The following MYBPC1 variants were observed in gnomAD, a reference collection of about 807,000 sequenced individuals.
MYBPC1 encodes the protein myosin-binding protein C, slow-type.
Under a neutral mutation model 147.1 loss-of-function variants are expected in MYBPC1, and 52 were observed. The ratio of observed to expected loss-of-function variants is 0.35; its 90% CI spans 0.28 to 0.45. MYBPC1 has a LOEUF of 0.45. MYBPC1 is among the 20% of genes least tolerant of loss of function. MYBPC1 has a pLI of 1.00. For synonymous variants in MYBPC1, 477 were observed against 475.9 expected, an observed-to-expected ratio of 1.00 and a Z score of -0.03; for missense variants, 1,228 against 1,440.3, an observed-to-expected ratio of 0.85 and a Z score of 2.39.
At chr12:101,673,649 G>A in intron 25 of MYBPC1, 27 bp downstream of exon 25, 1 of 1,613,116 alleles carries the variant, frequency 6.2e-7, no homozygotes, top group Non-Finnish European at 8.5e-7. Context: ...GAGCCAGAAA[G>A]TTCTGTCAAA....
intron 10 of MYBPC1, among the ~76,000 whole-genome samples, chr12:101,638,369 A>C (rs948984334): frequency 6.6e-6 from 1 of 152,218 alleles, no homozygotes; most frequent in African/African-American, 2.4e-5. Context: ...CATGGACTGG[A>C]GTCTCAGCTC....
At chr12:101,635,329 C>T (rs187792588) in intron 9 of MYBPC1, among the ~76,000 whole-genome samples, 9 of 151,966 alleles carry the variant, frequency 5.9e-5, no homozygotes, top group East Asian at 1.9e-4. Context: ...TTTGTTCTTC[C>T]GAAGACTGAA....
At chr12:101,651,966 A>G (rs11110921) in intron 16 of MYBPC1, among the ~76,000 whole-genome samples, 33,641 of 152,128 alleles carry the variant, frequency 0.22, 3,995 homozygotes, top group Middle Eastern at 0.34. Flanking sequence ...AAGTTAGAGG[A>G]AAAATACTGA....
rs1876602488 is a variant in MYBPC1 at position 101,594,975 on chromosome 12, CACCG to C, written c.-92_-89del. On this transcript the variant is annotated 5_prime_UTR_variant, in exon 1 of 32. Transcript: ENST00000361466. ...TGGGTTTCTCCCCAACTGCTTGTCA[CACCG>C]ACCTGCACCATCTCTCGCCTGCCTG... The C allele has an allele frequency of 2.1e-5, 26 of 1,214,096 alleles. No individual in the cohort carries two copies. In the South Asian group the frequency reaches 3.0e-4, roughly 14 times the overall value. 75.2% of individuals were successfully genotyped at this position (1,214,096 alleles called of 1,614,324 possible).
rs74550709 is a variant in MYBPC1, at chr12:101,595,202, A to G, written c.25+107A>G. ...TATCTTAACTAGATGAGAAAATAAA[A>G]TCACTATGATTTAAGGAAACGATCT... On this transcript the variant is annotated intron_variant, in intron 1 of 31. Coordinates refer to ENST00000361466, the MANE Select transcript of MYBPC1 (RefSeq NM_002465.4). 7.1e-3 allele frequency: 7,317 copies of G among 1,025,520 alleles called. 37 individuals carry two copies. The highest frequency in any genetic ancestry group is 9.2e-3 in the Non-Finnish European group (6,145 of 670,230). 63.5% of individuals were successfully genotyped at this position (1,025,520 alleles called of 1,614,324 possible).
At chr12:101,688,443 A>T (rs911821137), downstream of MYBPC1, among the ~76,000 whole-genome samples, 23 of 152,134 alleles carry the variant, frequency 1.5e-4, no homozygotes, top group African/African-American at 5.3e-4. Context: ...TTTAAGGTTC[A>T]CGTTTCTTTA....
At chr12:101,615,483 G>A (rs942554306) in intron 2 of MYBPC1, among the ~76,000 whole-genome samples, 2 of 152,062 alleles carry the variant, frequency 1.3e-5, no homozygotes, top group African/African-American at 4.8e-5. Context: ...TATCATGTAC[G>A]TATTGATAGC....
chr12:101,614,573 A>C (rs1347563473), intron 2 of MYBPC1, 42 bp downstream of exon 2: 1 of 1,605,348 alleles, frequency 6.2e-7, no homozygotes, highest in East Asian at 2.2e-5. Flanking sequence ...GGCTGCAAAT[A>C]CAGAGGGTCC....
the MYBPC1 span, among the ~76,000 whole-genome samples, chr12:101,691,530 A>G: frequency 6.6e-6 from 1 of 152,238 alleles, no homozygotes; most frequent in Admixed American, 6.5e-5. Context: ...TGAGGATGTT[A>G]AGGAAGATTT....
At chr12:101,687,069 A>T (rs2251298), downstream of MYBPC1, among the ~76,000 whole-genome samples, 124,537 of 151,712 alleles carry the variant, frequency 0.82, 51,527 homozygotes, top group African/African-American at 0.93. Flanking sequence ...CATTGTTTTT[A>T]TATATATATA....
chr12:101,618,431 G>A lies in MYBPC1; in HGVS notation c.103+1188G>A, dbSNP rs569546964. Among the ~76,000 whole-genome samples the A allele has an allele frequency of 2.3e-4, 35 of 152,272 alleles. No homozygotes were observed. The South Asian group carries it at 6.4e-3, about 28-fold the overall frequency. ...CAAACTCCTAGAACTCCTTCCATGG[G>A]ATGGTTTCAAGGAGGTTTGGGCATC... On this transcript the variant is annotated intron_variant, in intron 3 of 31. Transcript: ENST00000361466.
chr12:101,619,549 T>G (rs941859431), intron 3 of MYBPC1, among the ~76,000 whole-genome samples: 1 of 152,194 alleles, frequency 6.6e-6, no homozygotes, highest in Admixed American at 6.5e-5. Context: ...TGCTGACCAT[T>G]CAATGGTAAT....
rs765865412 is a variant in MYBPC1, at chr12:101,661,241, G to A, written c.2011G>A (p.Asp671Asn). 1.8e-5 allele frequency: 29 copies of A among 1,613,146 alleles called. No individual in the cohort carries two copies. The highest frequency in any genetic ancestry group is 1.7e-4 in the Middle Eastern group (1 of 6,028). The change falls in exon 20 of 32, where the codon GAC becomes AAC. Residue 671 changes from aspartate (D) to asparagine (N), a missense_variant. Physicochemically the swap from Asp to Asn is conservative, Grantham distance 23. This residue lies in a region of MYBPC1 where 1,077 missense variants were observed against 1,314.2 expected (regional missense o/e 0.82). Coordinates refer to ENST00000361466, the MANE Select transcript of MYBPC1 (RefSeq NM_002465.4). ...CATGAACTGGGAGCCTCCTGCCTAC[G>A]ACGGAGGCTCTCCAATCCTAGGTAA... ...CIMNWEPPAY[D>N]GGSPILGYFI...
At chr12:101,601,832 T>A (rs756705979) in intron 1 of MYBPC1, among the ~76,000 whole-genome samples, 1 of 152,232 alleles carries the variant, frequency 6.6e-6, no homozygotes, top group Non-Finnish European at 1.5e-5. Context: ...TGCTTGCATC[T>A]GGTGATATCG....
chr12:101,654,676 C>G (rs1895216711), intron 18 of MYBPC1, among the ~76,000 whole-genome samples: 3 of 152,150 alleles, frequency 2.0e-5, no homozygotes, highest in Non-Finnish European at 4.4e-5. Context: ...TATGAGGAAA[C>G]TACCCAAGAT....
intron 1 of MYBPC1, among the ~76,000 whole-genome samples, chr12:101,607,669 T>C (rs1882741686): frequency 6.6e-6 from 1 of 152,098 alleles, no homozygotes; most frequent in Non-Finnish European, 1.5e-5. Flanking sequence ...ATAATTTTGC[T>C]CTCCATGCTA....
At chr12:101,603,299 C>T (rs1382334649) in intron 1 of MYBPC1, among the ~76,000 whole-genome samples, 3 of 151,406 alleles carry the variant, frequency 2.0e-5, no homozygotes, top group Non-Finnish European at 2.9e-5. Context: ...GAGCCAAGAT[C>T]GCGCCATTGC....
intron 3 of MYBPC1, among the ~76,000 whole-genome samples, chr12:101,625,028 G>A (rs1888274567): frequency 6.6e-6 from 1 of 151,940 alleles, no homozygotes; most frequent in Non-Finnish European, 1.5e-5. Context: ...ATTGATAAAT[G>A]TGTACAGGGT....
chr12:101,682,453 A>G, intron 29 of MYBPC1, 151 bp from the exon 30 acceptor site: 1 of 676,322 alleles, frequency 1.5e-6, no homozygotes, highest in Non-Finnish European at 2.6e-6. Context: ...ATATTGATAA[A>G]AGCTTTTGGT....
Sources: allele counts gnomAD v4.1 joint callset (sites outside exome capture counted in the v4.1 genomes callset), GRCh38; gene constraint gnomAD v4.1.1; regional missense constraint gnomAD v4.1.1; transcripts MANE v1.5; gene names NCBI Gene and HGNC (gene_info 2026-07-23, HGNC 2026-07-21).